POU4F2: variants seen among roughly 807,000 people sequenced by gnomAD.
POU4F2 encodes the protein POU class 4 homeobox 2, also known as POU domain, class 4, transcription factor 2.
A neutral mutation model predicts 21.5 loss-of-function variants in POU4F2; 10 were observed. The observed-to-expected ratio is 0.46, with a 90% confidence interval of 0.29 to 0.79. The LOEUF is 0.79. Ranked by LOEUF, POU4F2 falls within the 30% of genes least tolerant of loss-of-function variation. POU4F2 has a pLI of 0.10. For missense variants in POU4F2, 623 were observed against 603.3 expected, an observed-to-expected ratio of 1.03 and a Z score of -0.34; for synonymous variants, 324 against 271.1, an observed-to-expected ratio of 1.20 and a Z score of -1.92.
chr4:146,639,703 T>A (rs1462764905), intron 1 of POU4F2, among the ~76,000 whole-genome samples, 164 bp from the exon 2 acceptor site: 1 of 151,970 alleles, frequency 6.6e-6, no homozygotes, highest in Non-Finnish European at 1.5e-5. Context: ...GGCTTCCCTC[T>A]TTTTCTCTTC....
In POU4F2 at chr4:146,641,387, T is replaced by TACCTTC. The variant is rs1740884756; in HGVS notation, c.*579_*580insACCTTC. The TACCTTC allele has an allele frequency of 6.6e-6, 1 of 152,630 alleles. No homozygotes were observed. The allele number at this position is 152,630 out of a possible 1,614,324, so 9.5% of individuals were successfully genotyped here. A position where few individuals can be genotyped will look rare whatever the true frequency, so the allele number is the denominator to read the frequency against. On this transcript the variant is annotated 3_prime_UTR_variant, in exon 2 of 2. Coordinates refer to ENST00000281321, the MANE Select transcript of POU4F2 (RefSeq NM_004575.3). ...ATTGTGGTTCTTACCCCCTTTTCCT[T>TACCTTC]CTCTGAAGTGTTAATGCTTAAGAAA... is the stretch of plus-strand genomic sequence containing the variant.
Position 146,639,263 on chromosome 4 carries a change from G to T in POU4F2, c.123G>T (p.Ala41=), listed in dbSNP as rs1213528907. The part of the protein sequence containing the change: ...STSPGSSAPI[A]PSASSPSSSS... ...CGCCGGGCTCCTCGGCTCCCATCGC[G>T]CCCTCGGCCAGCTCCCCCAGCAGCT... The change falls in exon 1 of 2, where the codon GCG becomes GCT. Residue 41 remains alanine, a synonymous_variant. Transcript: ENST00000281321. 2 of 1,575,372 alleles carry T rather than the reference G, an allele frequency of 1.3e-6. No homozygotes were observed. Among genetic ancestry groups the T allele is most frequent in the Admixed American group, 1.8e-5 (1 of 54,968 alleles).
At chr4:146,639,559 A>C in intron 1 of POU4F2, 131 bp downstream of exon 1, 2 of 1,316,680 alleles carry the variant, frequency 1.5e-6, no homozygotes, top group Non-Finnish European at 2.0e-6. Flanking sequence ...TCTCTCTCTT[A>C]AGTATTCAGC....
rs1051136920 is a variant in POU4F2, at chr4:146,642,220, G to T, written c.*1412G>T. On this transcript the variant is annotated 3_prime_UTR_variant, in exon 2 of 2. Coordinates refer to ENST00000281321, the MANE Select transcript of POU4F2 (RefSeq NM_004575.3). ...CTACTGTAAATATTTCATTAAAAATGATGCACACATAGATATATTCTTACA... is the reference window on the plus strand; with the variant it reads ...CTACTGTAAATATTTCATTAAAAATTATGCACACATAGATATATTCTTACA... 6.6e-6 allele frequency: 1 copy of T among 152,488 alleles called. No homozygotes were observed. The highest frequency in any genetic ancestry group is 1.5e-5 in the Non-Finnish European group (1 of 68,032). 9.4% of individuals were successfully genotyped at this position (152,488 alleles called of 1,614,324 possible).
chr4:146,640,853 T>C lies in POU4F2; in HGVS notation c.*45T>C, dbSNP rs1740875101. ...GAGACGCCCCTTTCCTCGTCCGCTCTTTTCTCTCCTCTCTTCTGCCTCTTT... is the reference window on the plus strand; with the variant it reads ...GAGACGCCCCTTTCCTCGTCCGCTCCTTTCTCTCCTCTCTTCTGCCTCTTT... On this transcript the variant is annotated 3_prime_UTR_variant, in exon 2 of 2. Transcript: ENST00000281321. The surrounding 1 kb of genome is among the most constrained non-coding windows in gnomAD (Gnocchi z 4.8). 17 of 1,511,718 alleles carry C rather than the reference T, an allele frequency of 1.1e-5. No homozygotes were observed. Among genetic ancestry groups the C allele is most frequent in the Non-Finnish European group, 1.4e-5 (16 of 1,127,960 alleles). The allele number at this position is 1,511,718 out of a possible 1,614,324, so 93.6% of individuals were successfully genotyped here. A position where few individuals can be genotyped will look rare whatever the true frequency, so the allele number is the denominator to read the frequency against.
At position 146,639,401 on chromosome 4, in the gene POU4F2, G is replaced by A. The variant is rs1334583779; in HGVS notation, c.261G>A (p.Met87Ile). ...GSSGGGGSEA[M>I]RRACLPTPPS... ...GCGGCGGCGGGGGCTCGGAGGCTAT[G>A]CGGAGAGCCTGTCTTCCAACCCCAC... The change falls in exon 1 of 2, where the codon ATG becomes ATA. Residue 87 changes from methionine (M) to isoleucine (I), a missense_variant. Met to Ile is a conservative substitution (Grantham distance 10, BLOSUM62 1). Coordinates refer to ENST00000281321, the MANE Select transcript of POU4F2 (RefSeq NM_004575.3). 7.5e-6 allele frequency: 11 copies of A among 1,467,894 alleles called. No individual in the cohort carries two copies. Among genetic ancestry groups the A allele is most frequent in the South Asian group, 6.1e-5 (4 of 65,520 alleles). 90.9% of individuals were successfully genotyped at this position (1,467,894 alleles called of 1,614,324 possible). A position where few individuals can be genotyped will look rare whatever the true frequency, so the allele number is the denominator to read the frequency against.
chr4:146,639,953 C>T lies in POU4F2; in HGVS notation c.375C>T (p.Ser125=), dbSNP rs753382247. 7 of 1,609,174 alleles carry T rather than the reference C, an allele frequency of 4.4e-6. No individual in the cohort carries two copies. In the South Asian group the frequency reaches 7.8e-5, roughly 18 times the overall value. Residue 125 remains serine (S), a synonymous_variant, in exon 2 of 2, where the codon AGC becomes AGT. Transcript: ENST00000281321. The part of the protein sequence containing the change: ...AAVDIVSQSK[S]HHHHPPHHSP... ...TGGACATCGTCTCCCAGAGCAAGAG[C>T]CACCACCACCATCCACCCCACCACA...
At position 146,639,312 on chromosome 4, in the gene POU4F2, G is replaced by A. The variant is rs933638417; in HGVS notation, c.172G>A (p.Gly58Ser). The stretch of plus-strand genomic sequence containing the variant: ...CTCGAGCAACGCTGGTGGTGGCGGC[G>A]GCGGCGGCGGCGGCGGCGGCGGCGG... ...SSSSNAGGGG[G>S]GGGGGGGGGG... Residue 58 changes from glycine to serine, a missense_variant, in exon 1 of 2, where the codon GGC (glycine) becomes AGC (serine). By Grantham distance (56) the Gly-to-Ser change is moderately conservative. Coordinates refer to ENST00000281321, the MANE Select transcript of POU4F2 (RefSeq NM_004575.3). The A allele has an allele frequency of 7.9e-6, 9 of 1,137,000 alleles. No homozygotes were observed. The African/African-American group carries it at 2.2e-4, about 27-fold the overall frequency. 70.4% of individuals were successfully genotyped at this position (1,137,000 alleles called of 1,614,324 possible).
intron 1 of POU4F2, 60 bp from the exon 2 acceptor site, chr4:146,639,807 G>GGA: frequency 6.7e-7 from 1 of 1,481,556 alleles, no homozygotes; most frequent in Non-Finnish European, 9.0e-7. Context: ...CGGGGCTTCC[G>GGA]GAGAGAGGGC....
intron 1 of POU4F2, 67 bp from the exon 2 acceptor site, chr4:146,639,800 G>T: frequency 6.8e-7 from 1 of 1,464,598 alleles, no homozygotes; most frequent in Non-Finnish European, 9.1e-7. Context: ...CCTGGGCCGG[G>T]GCTTCCGGAG....
Position 146,641,020 on chromosome 4 carries a change from T to A in POU4F2, c.*212T>A, listed in dbSNP as rs369146164. The stretch of plus-strand genomic sequence containing the variant: ...TCTCAAAGGAAAGAATAACAAAAGA[T>A]GGTATTTGTCTGTTGTAGCAAAGTT... On this transcript the variant is annotated 3_prime_UTR_variant, in exon 2 of 2. Coordinates refer to ENST00000281321, the MANE Select transcript of POU4F2 (RefSeq NM_004575.3). 1.8e-6 allele frequency: 1 copy of A among 541,774 alleles called. No homozygotes were observed. Among genetic ancestry groups the A allele is most frequent in the African/African-American group, 2.0e-5 (1 of 51,120 alleles). The allele number at this position is 541,774 out of a possible 1,614,324, so 33.6% of individuals were successfully genotyped here.
At position 146,640,740 on chromosome 4, in the gene POU4F2, G is replaced by A. The variant is rs1407128412; in HGVS notation, c.1162G>A (p.Val388Met). 1 of 1,613,938 alleles carries A rather than the reference G, an allele frequency of 6.2e-7. No homozygotes were observed. The change falls in exon 2 of 2, where the codon GTG (valine) becomes ATG (methionine). Residue 388 changes from valine to methionine, a missense_variant. By Grantham distance (21) the Val-to-Met change is conservative. Around this residue, in one of 3 missense-constraint regions of POU4F2, gnomAD observed 523 missense variants for 504.1 expected, o/e 1.04. Coordinates refer to ENST00000281321, the MANE Select transcript of POU4F2 (RefSeq NM_004575.3). The surrounding 1 kb of genome is among the most constrained non-coding windows in gnomAD (Gnocchi z 4.8). Reference sequence around the variant, plus strand: ...GGAGAAGCTGGACCTGAAGAAAAACGTGGTGCGCGTCTGGTTCTGCAACCA... The same window carrying A: ...GGAGAAGCTGGACCTGAAGAAAAACATGGTGCGCGTCTGGTTCTGCAACCA... Reference protein sequence around the residue: ...IAEKLDLKKNVVRVWFCNQRQ... With the variant: ...IAEKLDLKKNMVRVWFCNQRQ...
At position 146,639,044 on chromosome 4, in the gene POU4F2, C is replaced by G. The variant is rs1053170835; in HGVS notation, c.-97C>G. ...TGAGCTCAACTTCGCACAGCCCTTC[C>G]CAGCTCCAGCCCCGGCTGGCCCGGC... On this transcript the variant is annotated 5_prime_UTR_variant, in exon 1 of 2. Transcript: ENST00000281321. The G allele has an allele frequency of 2.1e-6, 3 of 1,458,168 alleles. No homozygotes were observed. In the African/African-American group the frequency reaches 4.6e-5, roughly 22 times the overall value. The allele number at this position is 1,458,168 out of a possible 1,614,324, so 90.3% of individuals were successfully genotyped here.
chr4:146,640,402 C>A lies in POU4F2; in HGVS notation c.824C>A (p.Thr275Asn). 10 of 1,609,698 alleles carry A rather than the reference C, an allele frequency of 6.2e-6. No homozygotes were observed. Among genetic ancestry groups the A allele is most frequent in the Non-Finnish European group, 7.6e-6 (9 of 1,179,144 alleles). Residue 275 changes from threonine (T) to asparagine (N), a missense_variant, in exon 2 of 2, where the codon ACC becomes AAC. Thr to Asn is a moderately conservative substitution (Grantham distance 65, BLOSUM62 0). Coordinates refer to ENST00000281321, the MANE Select transcript of POU4F2 (RefSeq NM_004575.3). The surrounding 1 kb of genome is among the most constrained non-coding windows in gnomAD (Gnocchi z 4.8). ...FKQRRIKLGV[T>N]QADVGSALAN... ...CAGCGACGCATCAAGCTGGGGGTGA[C>A]CCAGGCAGATGTGGGCTCCGCGCTG...
Position 146,640,096 on chromosome 4 carries a change from A to G in POU4F2, c.518A>G (p.His173Arg). The change falls in exon 2 of 2, where the codon CAC becomes CGC. Residue 173 changes from histidine to arginine, a missense_variant. This residue lies in a region of POU4F2 where 523 missense variants were observed against 504.1 expected (regional missense o/e 1.04). Coordinates refer to ENST00000281321, the MANE Select transcript of POU4F2 (RefSeq NM_004575.3). The surrounding 1 kb of genome is among the most constrained non-coding windows in gnomAD (Gnocchi z 4.8). Reference sequence around the variant, plus strand: ...TCCGCGTTGGCGGGCACGCACCACCACCACCACCATCACCACCACCACCAC... The same window carrying G: ...TCCGCGTTGGCGGGCACGCACCACCGCCACCACCATCACCACCACCACCAC... ...HPSALAGTHH[H>R]HHHHHHHHHQ... The G allele has an allele frequency of 6.2e-7, 1 of 1,602,642 alleles. No individual in the cohort carries two copies. Among genetic ancestry groups the G allele is most frequent in the African/African-American group, 1.3e-5 (1 of 74,900 alleles).
At position 146,640,079 on chromosome 4, in the gene POU4F2, G is replaced by A. The variant is rs1319095090; in HGVS notation, c.501G>A (p.Leu167=). ...SSVPISHPSA[L]AGTHHHHHHH... is the part of the protein sequence containing the mutation. ...TGCCCATCTCGCACCCTTCCGCGTTGGCGGGCACGCACCACCACCACCACC... is the reference window on the plus strand; with the variant it reads ...TGCCCATCTCGCACCCTTCCGCGTTAGCGGGCACGCACCACCACCACCACC... The change falls in exon 2 of 2, where the codon TTG becomes TTA. Residue 167 remains leucine, a synonymous_variant. Transcript: ENST00000281321. The surrounding 1 kb of genome is among the most constrained non-coding windows in gnomAD (Gnocchi z 4.8). 6.2e-7 allele frequency: 1 copy of A among 1,605,664 alleles called. No homozygotes were observed. The highest frequency in any genetic ancestry group is 8.5e-7 in the Non-Finnish European group (1 of 1,179,892).
At position 146,639,312 on chromosome 4, in the gene POU4F2, G is replaced by C; in HGVS notation, c.172G>C (p.Gly58Arg). Reference sequence around the variant, plus strand: ...CTCGAGCAACGCTGGTGGTGGCGGCGGCGGCGGCGGCGGCGGCGGCGGCGG... The same window carrying C: ...CTCGAGCAACGCTGGTGGTGGCGGCCGCGGCGGCGGCGGCGGCGGCGGCGG... ...SSSSNAGGGG[G>R]GGGGGGGGGG... Residue 58 changes from glycine to arginine, a missense_variant, in exon 1 of 2, where the codon GGC becomes CGC. Coordinates refer to ENST00000281321, the MANE Select transcript of POU4F2 (RefSeq NM_004575.3). The C allele has an allele frequency of 8.8e-7, 1 of 1,137,076 alleles. No homozygotes were observed. The highest frequency in any genetic ancestry group is 3.4e-5 in the East Asian group (1 of 29,614). 70.4% of individuals were successfully genotyped at this position (1,137,076 alleles called of 1,614,324 possible). A position where few individuals can be genotyped will look rare whatever the true frequency, so the allele number is the denominator to read the frequency against.
In POU4F2 at chr4:146,640,435, T is replaced by G; in HGVS notation, c.857T>G (p.Leu286Arg). ...GATGTGGGCTCCGCGCTGGCCAACC[T>G]CAAGATCCCCGGCGTGGGCTCGCTT... ...QADVGSALAN[L>R]KIPGVGSLSQ... The change falls in exon 2 of 2, where the codon CTC becomes CGC. Residue 286 changes from leucine to arginine, a missense_variant. Physicochemically the swap from Leu to Arg is moderately radical, Grantham distance 102. Coordinates refer to ENST00000281321, the MANE Select transcript of POU4F2 (RefSeq NM_004575.3). This position sits in a 1 kb window ranked among gnomAD's most constrained non-coding sequence, Gnocchi z 4.8. The G allele has an allele frequency of 6.2e-7, 1 of 1,613,152 alleles. No homozygotes were observed. The highest frequency in any genetic ancestry group is 8.5e-7 in the Non-Finnish European group (1 of 1,179,928).
At position 146,642,390 on chromosome 4, in the gene POU4F2, T is replaced by C. The variant is rs979219305; in HGVS notation, c.*1582T>C. 6.6e-6 allele frequency: 1 copy of C among 152,358 alleles called. No homozygotes were observed. Among genetic ancestry groups the C allele is most frequent in the Non-Finnish European group, 1.5e-5 (1 of 68,034 alleles). 9.4% of individuals were successfully genotyped at this position (152,358 alleles called of 1,614,324 possible). ...TTTGGTGTTGTTCGATTGTCTTTCA[T>C]TGAAGAGATAATTTTAATGTTTTAT... On this transcript the variant is annotated 3_prime_UTR_variant, in exon 2 of 2. Coordinates refer to ENST00000281321, the MANE Select transcript of POU4F2 (RefSeq NM_004575.3).
Sources: gnomAD v4.1 joint callset for allele counts (sites outside exome capture counted in the v4.1 genomes callset) on GRCh38, gnomAD v4.1.1 for gene constraint, gnomAD v4.1.1 regional missense constraint, Gnocchi (gnomAD v3.1) non-coding constraint, MANE v1.5 for transcripts, NCBI Gene and HGNC (gene_info 2026-07-23, HGNC 2026-07-21) for gene names.